The following PYROXD1 variants were observed in gnomAD, a reference collection of about 807,000 sequenced individuals.
PYROXD1 encodes tRNA ligase complex-associated NAD(P)H dehydrogenase PYROXD1.
A neutral mutation model predicts 62.0 loss-of-function variants in PYROXD1; 42 were observed. The observed-to-expected ratio is 0.68, with a 90% CI of 0.53 to 0.88. PYROXD1 has a LOEUF of 0.88. PYROXD1 is among the 40% of genes least tolerant of loss of function. The pLI, the probability that PYROXD1 is intolerant of heterozygous loss-of-function variation, is 0.00. For synonymous variants in PYROXD1, 170 were observed against 206.4 expected, an observed-to-expected ratio of 0.82 and a Z score of 1.51; for missense variants, 493 against 604.8, an observed-to-expected ratio of 0.82 and a Z score of 1.94.
chr12:21,451,777 G>C (rs1942504013), intron 4 of PYROXD1, among the ~76,000 whole-genome samples: 1 of 152,134 alleles, frequency 6.6e-6, no homozygotes. Context: ...AAATAATTGG[G>C]AATGTGGTAA....
At chr12:21,466,019 G>T (rs1591958594) in intron 10 of PYROXD1, among the ~76,000 whole-genome samples, 1 of 152,168 alleles carries the variant, frequency 6.6e-6, no homozygotes, top group East Asian at 1.9e-4. Flanking sequence ...CTGCTCGATT[G>T]GTCTATATCT....
At chr12:21,460,979 A>T in intron 7 of PYROXD1, 46 bp from the exon 8 acceptor site, 1 of 1,213,500 alleles carries the variant, frequency 8.2e-7, no homozygotes, top group Non-Finnish European at 1.1e-6. Context: ...AACCCGGGTT[A>T]TTCTTTCTGT....
Position 21,448,563 on chromosome 12 carries a change from T to A in PYROXD1, c.286-1000T>A, listed in dbSNP as rs115956413. Among the ~76,000 whole-genome samples the A allele has an allele frequency of 4.4e-3, 674 of 152,348 alleles. 4 individuals carry two copies. The highest frequency in any genetic ancestry group is 0.012 in the African/African-American group (500 of 41,590). Reference sequence around the variant, plus strand: ...GACTTGTATAAAATTTCTACATGGATTATGCTATGCTGGATTACTGGTTTT... The same window carrying A: ...GACTTGTATAAAATTTCTACATGGAATATGCTATGCTGGATTACTGGTTTT... On this transcript the variant is annotated intron_variant, in intron 3 of 11. Coordinates refer to ENST00000240651, the MANE Select transcript of PYROXD1 (RefSeq NM_024854.5).
Position 21,468,603 on chromosome 12 carries a change from T to C in PYROXD1, c.1352T>C (p.Met451Thr). ...TKGREYIKVV[M>T]QNGRMMGAVL... is the part of the protein sequence containing the mutation. ...GGACGAGAATACATCAAAGTCGTCA[T>C]GCAAAATGGACGAATGATGGGAGCT... Residue 451 changes from methionine to threonine, a missense_variant, in exon 12 of 12, where the codon ATG (methionine) becomes ACG (threonine). Physicochemically the swap from Met to Thr is moderately conservative, Grantham distance 81. Around this residue, in one of 2 missense-constraint regions of PYROXD1, gnomAD observed 329 missense variants for 446.6 expected, o/e 0.74. Transcript: ENST00000240651. 1.2e-6 allele frequency: 2 copies of C among 1,613,128 alleles called. No homozygotes were observed. The highest frequency in any genetic ancestry group is 1.7e-6 in the Non-Finnish European group (2 of 1,179,412).
intron 5 of PYROXD1, 81 bp downstream of exon 5, chr12:21,452,235 T>G: frequency 1.1e-6 from 1 of 939,212 alleles, no homozygotes; most frequent in Middle Eastern, 3.5e-4. Context: ...TGCTTTGTGA[T>G]TCTTGTGATT....
At chr12:21,444,592 G>A (rs539186493) in intron 2 of PYROXD1, among the ~76,000 whole-genome samples, 6 of 152,280 alleles carry the variant, frequency 3.9e-5, no homozygotes, top group African/African-American at 1.4e-4. Flanking sequence ...CCTTCTAAAG[G>A]TTTCAGATCT....
intron 10 of PYROXD1, among the ~76,000 whole-genome samples, chr12:21,463,557 T>C (rs958358916): frequency 2.0e-5 from 3 of 152,034 alleles, no homozygotes; most frequent in Admixed American, 2.0e-4. Context: ...CTGAGCATGA[T>C]GGTGTGCGTC....
At position 21,440,349 on chromosome 12, in the gene PYROXD1, C is replaced by A; in HGVS notation, c.85-19C>A. On this transcript the variant is annotated intron_variant, in intron 1 of 11. Transcript: ENST00000240651. ...AAAGTAATTTGTCCTAATTTTTTTT[C>A]TCTCTTTTTAAAAATAAGTTGGCTA... 6.8e-7 allele frequency: 1 copy of A among 1,477,860 alleles called. No individual in the cohort carries two copies. The highest frequency in any genetic ancestry group is 9.3e-7 in the Non-Finnish European group (1 of 1,071,896). The allele number at this position is 1,477,860 out of a possible 1,614,324, so 91.5% of individuals were successfully genotyped here.
At position 21,462,138 on chromosome 12, in the gene PYROXD1, T is replaced by G. The variant is rs373969684; in HGVS notation, c.993+18T>G. On this transcript the variant is annotated intron_variant, in intron 9 of 11. Coordinates refer to ENST00000240651, the MANE Select transcript of PYROXD1 (RefSeq NM_024854.5). ...GTAACAGTGTAAGGTGAAATTTTTT[T>G]GTCCAGCTGTGAATATATTTGAAGT... 7.0e-7 allele frequency: 1 copy of G among 1,419,740 alleles called. No individual in the cohort carries two copies. The highest frequency in any genetic ancestry group is 9.9e-7 in the Non-Finnish European group (1 of 1,008,882). The allele number at this position is 1,419,740 out of a possible 1,614,324, so 87.9% of individuals were successfully genotyped here. A position where few individuals can be genotyped will look rare whatever the true frequency, so the allele number is the denominator to read the frequency against.
chr12:21,450,819 C>T (rs187160234), intron 4 of PYROXD1, among the ~76,000 whole-genome samples: 1 of 152,142 alleles, frequency 6.6e-6, no homozygotes, highest in South Asian at 2.1e-4. Flanking sequence ...TGTTTTAGCT[C>T]GGTCCTCTAC....
rs1175225133 is a variant in PYROXD1, at chr12:21,468,724, A to T, written c.1473A>T (p.Pro491=). Reference sequence around the variant, plus strand: ...CATATGGAGAAGATCTGCTAGATCCAAATATTGATATAGAAGATTATTTTG... The same window carrying T: ...CATATGGAGAAGATCTGCTAGATCCTAATATTGATATAGAAGATTATTTTG... ...LSSYGEDLLD[P]NIDIEDYFD is the part of the protein sequence containing the mutation. Residue 491 remains proline, a synonymous_variant, in exon 12 of 12, where the codon CCA becomes CCT. Transcript: ENST00000240651. The T allele has an allele frequency of 6.2e-7, 1 of 1,608,842 alleles. No individual in the cohort carries two copies. The highest frequency in any genetic ancestry group is 8.5e-7 in the Non-Finnish European group (1 of 1,176,638).
rs10841820 is a variant in PYROXD1 at position 21,463,171 on chromosome 12, C to T, written c.1116+309C>T. Among the ~76,000 whole-genome samples, 7,817 of 152,210 alleles carry T rather than the reference C, an allele frequency of 0.051. 402 individuals carry two copies. The highest frequency in any genetic ancestry group is 0.29 in the East Asian group (1,474 of 5,170). On this transcript the variant is annotated intron_variant, in intron 10 of 11. Coordinates refer to ENST00000240651, the MANE Select transcript of PYROXD1 (RefSeq NM_024854.5). ...GTGATGATGGAAATGTTTAATTCCT[C>T]ACCATCTAGTCAGGTAGCCAGCAGT...
chr12:21,458,439 GT>G (rs1452479429), intron 7 of PYROXD1, among the ~76,000 whole-genome samples: 1 of 152,190 alleles, frequency 6.6e-6, no homozygotes, highest in Non-Finnish European at 1.5e-5. Flanking sequence ...CATCATTCAT[GT>G]GTTCATTGGA....
At chr12:21,451,960 AT>A (rs1295025986) in intron 4 of PYROXD1, 120 bp from the exon 5 acceptor site, 9 of 669,352 alleles carry the variant, frequency 1.3e-5, no homozygotes, top group South Asian at 2.0e-5. Context: ...AGTGAGATTC[AT>A]TTTTTTCCTT....
At chr12:21,459,624 A>G (rs1440080300) in intron 7 of PYROXD1, among the ~76,000 whole-genome samples, 1 of 152,206 alleles carries the variant, frequency 6.6e-6, no homozygotes, top group East Asian at 1.9e-4. Context: ...GTCTTGTGAG[A>G]TTGATCCCTC....
At position 21,448,178 on chromosome 12, in the gene PYROXD1, A is replaced by G; in HGVS notation, c.286-1385A>G. ...ATGATATCAATTTCACATACCTGGC[A>G]TCAGGGCCTTCACAGCCACCATAGG... On this transcript the variant is annotated intron_variant, in intron 3 of 11. Coordinates refer to ENST00000240651, the MANE Select transcript of PYROXD1 (RefSeq NM_024854.5). The G allele has an allele frequency of 9.2e-6, 6 of 655,154 alleles. No individual in the cohort carries two copies. In the South Asian group the frequency reaches 9.5e-5, roughly 10 times the overall value. The allele number at this position is 655,154 out of a possible 1,614,324, so 40.6% of individuals were successfully genotyped here.
intron 10 of PYROXD1, among the ~76,000 whole-genome samples, chr12:21,464,425 G>C (rs556224092): frequency 3.2e-4 from 48 of 150,470 alleles, no homozygotes; most frequent in African/African-American, 1.2e-3. Context: ...ATAATACCTT[G>C]TTTACAGAGG....
chr12:21,467,418 T>C, intron 10 of PYROXD1, 63 bp from the exon 11 acceptor site: 1 of 1,483,690 alleles, frequency 6.7e-7, no homozygotes. Context: ...ATTTACAAGG[T>C]TAACATTTTT....
chr12:21,442,333 G>C (rs1248645872), intron 2 of PYROXD1, among the ~76,000 whole-genome samples: 1 of 152,232 alleles, frequency 6.6e-6, no homozygotes, highest in African/African-American at 2.4e-5. Context: ...AATAGAATAT[G>C]AGGTGAGGAT....
Sources: gnomAD v4.1 joint callset for allele counts (sites outside exome capture counted in the v4.1 genomes callset) on GRCh38, gnomAD v4.1.1 for gene constraint, gnomAD v4.1.1 regional missense constraint, MANE v1.5 for transcripts, NCBI Gene and HGNC (gene_info 2026-07-23, HGNC 2026-07-21) for gene names.